Variants in ACYP2 observed in about 807,000 individuals in gnomAD.
ACYP2 encodes the protein acylphosphatase 2.
A neutral mutation model predicts 11.2 loss-of-function variants in ACYP2; 12 were observed. That is an observed-to-expected ratio of 1.08 (90% CI 0.69 to 1.74). The LOEUF (loss-of-function observed/expected upper bound fraction) is 1.74, where lower values mean the gene tolerates loss of function less well. ACYP2 is among the 40% of genes most tolerant of loss of function. ACYP2 has a pLI of 0.00. For missense variants in ACYP2, 134 were observed against 101.9 expected, an observed-to-expected ratio of 1.31 and a Z score of -1.35; for synonymous variants, 43 against 32.2, an observed-to-expected ratio of 1.33 and a Z score of -1.13.
At chr2:54,026,023 A>G (rs969178106) in intron 2 of ACYP2, among the ~76,000 whole-genome samples, 3 of 152,184 alleles carry the variant, frequency 2.0e-5, no homozygotes, top group East Asian at 1.9e-4. Context: ...AGGGTGAGGC[A>G]GGAGAATCAC....
intron 4 of ACYP2, among the ~76,000 whole-genome samples, chr2:54,085,885 A>T (rs1677920126): frequency 1.3e-5 from 2 of 152,178 alleles, no homozygotes; most frequent in African/African-American, 2.4e-5. Context: ...GTATATATAT[A>T]TATAAAGACT....
At chr2:54,180,397 G>A (rs1018351636) in intron 6 of ACYP2, among the ~76,000 whole-genome samples, 3 of 151,978 alleles carry the variant, frequency 2.0e-5, no homozygotes, top group African/African-American at 7.3e-5. Context: ...ATCATGCCTT[G>A]GTCTTTCCAG....
intron 6 of ACYP2, among the ~76,000 whole-genome samples, chr2:54,193,552 G>A (rs1013910325): frequency 6.6e-6 from 1 of 152,058 alleles, no homozygotes; most frequent in African/African-American, 2.4e-5. Context: ...AATAAAAATT[G>A]TATTGAATGA....
intron 6 of ACYP2, among the ~76,000 whole-genome samples, chr2:54,140,279 A>G (rs1681532651): frequency 6.6e-6 from 1 of 152,158 alleles, no homozygotes; most frequent in African/African-American, 2.4e-5. Context: ...GGGAGCCTAG[A>G]AAAAAATAAT....
At chr2:53,975,789 G>A (rs949842129) in intron 2 of ACYP2, among the ~76,000 whole-genome samples, 4 of 151,984 alleles carry the variant, frequency 2.6e-5, no homozygotes, top group Non-Finnish European at 2.9e-5. Flanking sequence ...CCAAGATCGC[G>A]CCACTGCACT....
At chr2:54,170,382 G>C (rs1336662354) in intron 6 of ACYP2, among the ~76,000 whole-genome samples, 1 of 151,946 alleles carries the variant, frequency 6.6e-6, no homozygotes, top group Admixed American at 6.6e-5. Context: ...CGAACTCACA[G>C]CCTCAAGCAG....
intron 4 of ACYP2, among the ~76,000 whole-genome samples, chr2:54,069,406 T>C (rs1401913751): frequency 6.6e-6 from 1 of 150,726 alleles, no homozygotes; most frequent in East Asian, 2.0e-4. Context: ...CTCATGCCTG[T>C]AATCCCAGCA....
chr2:54,137,392 A>G (rs2103780258), intron 5 of ACYP2, among the ~76,000 whole-genome samples: 1 of 152,298 alleles, frequency 6.6e-6, no homozygotes, highest in East Asian at 1.9e-4. Context: ...TACAAAGCCT[A>G]GTACCCAAAA....
chr2:54,203,846 T>A lies in ACYP2; in HGVS notation c.404+65098T>A, dbSNP rs146955787. 6.7e-4 allele frequency among the ~76,000 whole-genome samples: 102 copies of A among 152,256 alleles called. 1 individual carries two copies. The East Asian group carries it at 0.019, about 28-fold the overall frequency. ...GATAAGTGGTGATTTACTTTCTGAATGCTTATAAATATAAAATTTCTTCCA... is the reference window on the plus strand; with the variant it reads ...GATAAGTGGTGATTTACTTTCTGAAAGCTTATAAATATAAAATTTCTTCCA... On this transcript the variant is annotated intron_variant, in intron 6 of 6. Transcript: ENST00000607452.
intron 6 of ACYP2, among the ~76,000 whole-genome samples, chr2:54,232,358 T>C (rs543937805): frequency 6.6e-6 from 1 of 151,612 alleles, no homozygotes; most frequent in East Asian, 1.9e-4. Flanking sequence ...GGTCTTGTGC[T>C]ACCTCTGACA....
chr2:54,076,202 C>T (rs1025795534), intron 4 of ACYP2, among the ~76,000 whole-genome samples: 5 of 152,042 alleles, frequency 3.3e-5, no homozygotes, highest in Non-Finnish European at 7.4e-5. Context: ...GAAGAAGATG[C>T]CAAACTGATA....
At chr2:54,185,904 A>G (rs1683967420) in intron 6 of ACYP2, among the ~76,000 whole-genome samples, 1 of 152,026 alleles carries the variant, frequency 6.6e-6, no homozygotes, top group Non-Finnish European at 1.5e-5. Flanking sequence ...TATGCCAAGG[A>G]ATACTATAAG....
intron 4 of ACYP2, 81 bp from the exon 2 acceptor site, chr2:54,135,372 T>TA: frequency 7.5e-7 from 1 of 1,336,656 alleles, no homozygotes; most frequent in Non-Finnish European, 1.1e-6. Context: ...GGGGACCACC[T>TA]AGATAAAAGT....
chr2:54,198,180 T>C lies in ACYP2; in HGVS notation c.404+59432T>C, dbSNP rs539536719. Among the ~76,000 whole-genome samples, 369 of 152,126 alleles carry C rather than the reference T, an allele frequency of 2.4e-3. 2 individuals carry two copies. The highest frequency in any genetic ancestry group is 8.5e-3 in the African/African-American group (351 of 41,510). ...GATTACAGGCCTGCGCCACTGCACA[T>C]GGCTAATTTTTTATTTTTACAGCAT... On this transcript the variant is annotated intron_variant, in intron 6 of 6. Coordinates refer to ENST00000607452, the MANE Select transcript of ACYP2 (RefSeq NM_001320586.2).
At chr2:54,289,745 T>A (rs562056050) in intron 6 of ACYP2, among the ~76,000 whole-genome samples, 4 of 151,838 alleles carry the variant, frequency 2.6e-5, no homozygotes, top group African/African-American at 9.7e-5. Context: ...ATGAACTGAG[T>A]CACATAGGAG....
rs1048431713 is a variant in ACYP2 at position 54,047,058 on chromosome 2, G to T, written c.63-3900G>T. Among the ~76,000 whole-genome samples the T allele has an allele frequency of 2.6e-5, 4 of 152,290 alleles. No individual in the cohort carries two copies. In the East Asian group the frequency reaches 7.7e-4, roughly 29 times the overall value. On this transcript the variant is annotated intron_variant, in intron 2 of 6. Coordinates refer to ENST00000607452, the MANE Select transcript of ACYP2 (RefSeq NM_001320586.2). ...AGATATTATTCGTGTTATCATCAGT[G>T]ACAAAGATTTAGATGACATTGCAAA...
chr2:54,018,637 A>G (rs910231940), intron 2 of ACYP2, among the ~76,000 whole-genome samples: 27 of 152,138 alleles, frequency 1.8e-4, no homozygotes, highest in African/African-American at 6.5e-4. Context: ...ACATAGCGGG[A>G]CCCCTTCTTT....
intron 4 of ACYP2, among the ~76,000 whole-genome samples, chr2:54,059,083 G>C (rs1289317809): frequency 6.6e-6 from 1 of 152,146 alleles, no homozygotes; most frequent in African/African-American, 2.4e-5. Context: ...TTTTTATTAA[G>C]GTGAACTTTA....
intron 2 of ACYP2, among the ~76,000 whole-genome samples, chr2:54,025,701 T>C (rs1356025784): frequency 6.6e-6 from 1 of 152,182 alleles, no homozygotes; most frequent in Non-Finnish European, 1.5e-5. Context: ...ACATCATGAC[T>C]AAGAACCCAA....
Sources: allele counts gnomAD v4.1 joint callset (sites outside exome capture counted in the v4.1 genomes callset), GRCh38; gene constraint gnomAD v4.1.1; transcripts MANE v1.5; gene names NCBI Gene and HGNC (gene_info 2026-07-23, HGNC 2026-07-21).